The following AGBL4 variants were observed in gnomAD, a reference collection of about 807,000 sequenced individuals.
AGBL4 encodes AGBL carboxypeptidase 4.
AGBL4 carries 58 observed loss-of-function variants against 66.4 expected under a neutral mutation model. That is an observed-to-expected ratio of 0.87 (90% CI 0.71 to 1.09). AGBL4 has a LOEUF of 1.09. Among genes scored for constraint, AGBL4 ranks in the 50% least tolerant of loss-of-function variants. The pLI is 0.00. For synonymous variants in AGBL4, 234 were observed against 222.9 expected (o/e 1.05, Z -0.44); for missense variants, 579 against 631.0 (o/e 0.92, Z 0.88).
intron 2 of AGBL4, among the ~76,000 whole-genome samples, chr1:49,804,073 G>C (rs1270236828): frequency 6.6e-6 from 1 of 152,116 alleles, no homozygotes; most frequent in Non-Finnish European, 1.5e-5. Context: ...TTTTAAATTA[G>C]TAGTTAAAAT....
At chr1:49,862,353 CAAAA>C in intron 1 of AGBL4, among the ~76,000 whole-genome samples, 1 of 137,738 alleles carries the variant, frequency 7.3e-6, no homozygotes, top group African/African-American at 2.7e-5. Flanking sequence ...ATATAGGAGA[CAAAA>C]AAAAAAAAAC....
chr1:49,203,834 C>T (rs1168525115), intron 4 of AGBL4, among the ~76,000 whole-genome samples: 1 of 152,042 alleles, frequency 6.6e-6, no homozygotes, highest in African/African-American at 2.4e-5. Context: ...TCAAGTCATG[C>T]AAGATAGAAA....
intron 5 of AGBL4, among the ~76,000 whole-genome samples, chr1:49,007,108 C>G (rs1296950839): frequency 2.4e-5 from 1 of 41,400 alleles, no homozygotes; most frequent in African/African-American, 6.0e-5. Flanking sequence ...AAACCAAAGG[C>G]AAAGAAGTTG....
At chr1:48,810,675 G>C (rs1646028529) in intron 6 of AGBL4, among the ~76,000 whole-genome samples, 1 of 152,162 alleles carries the variant, frequency 6.6e-6, no homozygotes. Flanking sequence ...AAATTTATTA[G>C]TGTTCAACAA....
In AGBL4 at chr1:49,397,118, C is replaced by G. The variant is rs374335646; in HGVS notation, c.283-151254G>C. On this transcript the variant is annotated intron_variant, in intron 3 of 13. Coordinates refer to ENST00000371839, the MANE Select transcript of AGBL4 (RefSeq NM_032785.4). ...GCTTTGCTCACTTGCCCACTGCTCC[C>G]CTCCTGCTGTGTGGCTCAGTTCCTA... 1.4e-3 allele frequency among the ~76,000 whole-genome samples: 210 copies of G among 152,212 alleles called. 1 individual carries two copies. The highest frequency in any genetic ancestry group is 4.7e-3 in the African/African-American group (197 of 41,550).
At chr1:49,957,053 TAGC>T (rs1281072381) in intron 1 of AGBL4, among the ~76,000 whole-genome samples, 1 of 151,864 alleles carries the variant, frequency 6.6e-6, no homozygotes, top group Non-Finnish European at 1.5e-5. Context: ...CAACTAAAAA[TAGC>T]AGGTAAAAGC....
chr1:49,148,900 T>C (rs1387418996), intron 4 of AGBL4, among the ~76,000 whole-genome samples: 1 of 152,210 alleles, frequency 6.6e-6, no homozygotes, highest in Admixed American at 6.5e-5. Context: ...ATCACTTCTG[T>C]GTATTTCCTT....
chr1:49,486,093 GGAGT>G (rs1371830745), intron 3 of AGBL4, among the ~76,000 whole-genome samples: 4 of 151,882 alleles, frequency 2.6e-5, no homozygotes, highest in Non-Finnish European at 5.9e-5. Flanking sequence ...AGGAGTCTGT[GGAGT>G]GAGTCCCACC....
At chr1:49,104,812 CCAAATATT>C (rs1273940123) in intron 4 of AGBL4, among the ~76,000 whole-genome samples, 4 of 152,074 alleles carry the variant, frequency 2.6e-5, no homozygotes, top group Non-Finnish European at 5.9e-5. Flanking sequence ...TTTGAAGTGA[CCAAATATT>C]CACCTCTAAA....
At chr1:49,045,026 C>G (rs1261297191) in intron 5 of AGBL4, among the ~76,000 whole-genome samples, 1 of 152,130 alleles carries the variant, frequency 6.6e-6, no homozygotes, top group Non-Finnish European at 1.5e-5. Context: ...GAATAGGAGA[C>G]TGAAATCTCT....
chr1:49,992,097 C>A (rs912201051), intron 1 of AGBL4, among the ~76,000 whole-genome samples: 19 of 152,140 alleles, frequency 1.2e-4, no homozygotes, highest in African/African-American at 3.6e-4. Flanking sequence ...TTGGGCCAGG[C>A]GCAGTGGCTC....
chr1:49,843,350 G>A (rs546375488), intron 2 of AGBL4, among the ~76,000 whole-genome samples: 61 of 152,028 alleles, frequency 4.0e-4, no homozygotes, highest in African/African-American at 1.4e-3. Flanking sequence ...TTTTGCCCAG[G>A]CATGTCTTGA....
intron 12 of AGBL4, among the ~76,000 whole-genome samples, chr1:48,537,629 G>T (rs1309257262): frequency 6.6e-6 from 1 of 152,170 alleles, no homozygotes; most frequent in Non-Finnish European, 1.5e-5. Context: ...AGAGAGTCTA[G>T]AGGATCACTA....
chr1:49,987,313 G>A (rs1659579479), intron 1 of AGBL4, among the ~76,000 whole-genome samples: 1 of 151,898 alleles, frequency 6.6e-6, no homozygotes, highest in Non-Finnish European at 1.5e-5. Context: ...AAAGAGCTTT[G>A]GTATATTGTT....
chr1:48,634,616 C>G lies in AGBL4; in HGVS notation c.840-12G>C. 6.4e-7 allele frequency: 1 copy of G among 1,571,798 alleles called. No individual in the cohort carries two copies. The highest frequency in any genetic ancestry group is 8.7e-7 in the Non-Finnish European group (1 of 1,155,130). On this transcript the variant is annotated splice_polypyrimidine_tract_variant and intron_variant, in intron 8 of 13. Coordinates refer to ENST00000371839, the MANE Select transcript of AGBL4 (RefSeq NM_032785.4). ...CCATCAGAGAACACCTAGGCAGTACCCAAAGTAAGAGTCAATATAGACAGG... is the reference window on the plus strand; with the variant it reads ...CCATCAGAGAACACCTAGGCAGTACGCAAAGTAAGAGTCAATATAGACAGG...
chr1:49,329,261 C>T (rs1055258869), intron 3 of AGBL4, among the ~76,000 whole-genome samples: 3 of 151,800 alleles, frequency 2.0e-5, no homozygotes, highest in East Asian at 1.9e-4. Context: ...GAGCCAAGAT[C>T]GCACCATTGC....
At position 49,806,370 on chromosome 1, in the gene AGBL4, T is replaced by A. The variant is rs370493645; in HGVS notation, c.157+45026A>T. ...GTGTCCTAGTATTTTGTTGAAGTAT[T>A]TCTGTGTCCTAGTATTTTGTTGAAG... is the stretch of plus-strand genomic sequence containing the variant. On this transcript the variant is annotated intron_variant, in intron 2 of 13. Coordinates refer to ENST00000371839, the MANE Select transcript of AGBL4 (RefSeq NM_032785.4). Among the ~76,000 whole-genome samples the A allele has an allele frequency of 7.2e-5, 11 of 152,320 alleles. No homozygotes were observed. The East Asian group carries it at 1.9e-3, about 27-fold the overall frequency.
intron 4 of AGBL4, among the ~76,000 whole-genome samples, chr1:49,211,216 CTTATT>C (rs1648643336): frequency 6.6e-6 from 1 of 152,096 alleles, no homozygotes; most frequent in South Asian, 2.1e-4. Flanking sequence ...AAATGTCTCT[CTTATT>C]TTTCATTTAT....
chr1:48,827,114 T>G (rs1269162226), intron 6 of AGBL4, among the ~76,000 whole-genome samples: 1 of 152,246 alleles, frequency 6.6e-6, no homozygotes, highest in Admixed American at 6.5e-5. Flanking sequence ...TAAATCAGAA[T>G]TACCATTTTT....
Sources: gnomAD v4.1 joint callset for allele counts (sites outside exome capture counted in the v4.1 genomes callset) on GRCh38, gnomAD v4.1.1 for gene constraint, MANE v1.5 for transcripts, NCBI Gene and HGNC (gene_info 2026-07-23, HGNC 2026-07-21) for gene names.